The following TP63 variants were observed in gnomAD, a reference collection of about 807,000 sequenced individuals.
TP63 encodes tumor protein 63.
A neutral mutation model predicts 82.8 loss-of-function variants in TP63; 17 were observed. The ratio of observed to expected loss-of-function variants is 0.21; its 90% CI spans 0.14 to 0.31. The LOEUF is 0.31. Ranked by LOEUF, TP63 falls within the 10% of genes least tolerant of loss-of-function variation. The pLI is 1.00. For missense variants in TP63, 648 were observed against 895.3 expected (o/e 0.72, Z 3.52); for synonymous variants, 330 against 321.7 (o/e 1.03, Z -0.28).
chr3:189,747,214 A>G (rs1263611829), intron 3 of TP63, among the ~76,000 whole-genome samples: 5 of 152,090 alleles, frequency 3.3e-5, no homozygotes, highest in African/African-American at 1.2e-4. Context: ...TAAGAAAGAA[A>G]CACTGGATTT....
chr3:189,646,251 T>A lies in TP63; in HGVS notation c.62+14674T>A, dbSNP rs1020513356. ...GGGAATTCTGATGCACATGGAAGTT[T>A]GAAAACCTGACCATACAACTGACAA... On this transcript the variant is annotated intron_variant, in intron 1 of 13. Transcript: ENST00000264731. 5.4e-5 allele frequency among the ~76,000 whole-genome samples: 8 copies of A among 147,276 alleles called. 2 individuals carry two copies. The highest frequency in any genetic ancestry group is 2.0e-4 in the African/African-American group (8 of 39,296).
chr3:189,869,304 T>A lies in TP63; in HGVS notation c.1130-20T>A. The A allele has an allele frequency of 6.2e-7, 1 of 1,609,712 alleles. No individual in the cohort carries two copies. The highest frequency in any genetic ancestry group is 8.5e-7 in the Non-Finnish European group (1 of 1,176,036). On this transcript the variant is annotated intron_variant, in intron 8 of 13. Transcript: ENST00000264731. ...TTTAGAAGTGTTCCCAGGATGAAAC[T>A]TGCATTTTTCCTCCACCAGCGTTTC... is the stretch of plus-strand genomic sequence containing the variant.
the TP63 span, among the ~76,000 whole-genome samples, chr3:189,597,953 A>G: frequency 1.0e-2 from 1,516 of 152,172 alleles, 11 homozygotes; most frequent in Non-Finnish European, 0.018. Flanking sequence ...AGTTAGAATT[A>G]ATATTTTGAA....
At chr3:189,616,841 C>T in the TP63 span, among the ~76,000 whole-genome samples, 8 of 152,166 alleles carry the variant, frequency 5.3e-5, no homozygotes. Flanking sequence ...TTGTCCTACT[C>T]CTGAATATCA....
chr3:189,823,834 G>T (rs561060810), intron 4 of TP63, among the ~76,000 whole-genome samples: 28 of 152,114 alleles, frequency 1.8e-4, no homozygotes, highest in Admixed American at 6.5e-4. Context: ...CATGCAAACC[G>T]CATGATAGAC....
chr3:189,766,347 T>TGA (rs989221472), intron 3 of TP63, among the ~76,000 whole-genome samples: 1 of 152,100 alleles, frequency 6.6e-6, no homozygotes, highest in Admixed American at 6.6e-5. Context: ...GGATCGGGGG[T>TGA]GAGCATTGCA....
the TP63 span, among the ~76,000 whole-genome samples, chr3:189,612,276 C>T: frequency 2.0e-5 from 3 of 151,826 alleles, no homozygotes; most frequent in Non-Finnish European, 2.9e-5. Flanking sequence ...TGGGAAGCAC[C>T]GAGAAGAAGG....
intron 1 of TP63, among the ~76,000 whole-genome samples, chr3:189,689,980 A>G (rs1259647485): frequency 2.6e-5 from 4 of 152,096 alleles, no homozygotes; most frequent in Non-Finnish European, 5.9e-5. Context: ...CTCCAAGGTA[A>G]TGGATATCTT....
chr3:189,695,391 C>T (rs191669377), intron 1 of TP63, among the ~76,000 whole-genome samples: 146 of 152,130 alleles, frequency 9.6e-4, no homozygotes, highest in African/African-American at 1.9e-3. Context: ...ATTTGTGGTG[C>T]TACAAGATGT....
At chr3:189,813,513 T>C (rs1727808764) in intron 4 of TP63, among the ~76,000 whole-genome samples, 1 of 152,156 alleles carries the variant, frequency 6.6e-6, no homozygotes, top group African/African-American at 2.4e-5. Flanking sequence ...CTCACACACC[T>C]TTGCCAGTTG....
chr3:189,647,573 A>G (rs1235478519), intron 1 of TP63, among the ~76,000 whole-genome samples: 2 of 146,488 alleles, frequency 1.4e-5, no homozygotes, highest in Non-Finnish European at 3.0e-5. Context: ...TGCAAGCTCT[A>G]CGTGGATTGT....
chr3:189,742,011 G>A (rs1396580329), intron 3 of TP63, among the ~76,000 whole-genome samples: 1 of 152,066 alleles, frequency 6.6e-6, no homozygotes. Flanking sequence ...GGGAGGCCGA[G>A]GTGTGTGGAT....
chr3:189,756,197 A>G (rs1722175714), intron 3 of TP63, among the ~76,000 whole-genome samples: 1 of 152,236 alleles, frequency 6.6e-6, no homozygotes. Flanking sequence ...TCATTTAAAC[A>G]TAATTTGTGT....
the TP63 span, among the ~76,000 whole-genome samples, chr3:189,623,273 G>C: frequency 1.3e-5 from 2 of 152,160 alleles, no homozygotes; most frequent in Admixed American, 1.3e-4. Flanking sequence ...CTGAAAGAGA[G>C]GTTCAGCAAC....
At chr3:189,752,040 T>C (rs1296923317) in intron 3 of TP63, among the ~76,000 whole-genome samples, 2 of 152,198 alleles carry the variant, frequency 1.3e-5, no homozygotes, top group African/African-American at 4.8e-5. Flanking sequence ...GATTATCTAA[T>C]AGTTATAGGA....
At chr3:189,615,154 C>T in the TP63 span, among the ~76,000 whole-genome samples, 1 of 152,224 alleles carries the variant, frequency 6.6e-6, no homozygotes, top group Non-Finnish European at 1.5e-5. Flanking sequence ...AACTCCCTTT[C>T]TGGCCTCGTA....
chr3:189,887,218 A>T (rs1435524171), intron 11 of TP63, among the ~76,000 whole-genome samples: 1 of 152,096 alleles, frequency 6.6e-6, no homozygotes, highest in African/African-American at 2.4e-5. Context: ...CAAAAAAAAA[A>T]AAAAAAATCT....
At chr3:189,636,888 T>G (rs1729817061) in intron 1 of TP63, among the ~76,000 whole-genome samples, 2 of 152,212 alleles carry the variant, frequency 1.3e-5, no homozygotes, top group Non-Finnish European at 2.9e-5. Context: ...TGAGCACTTT[T>G]TGACTGCATC....
intron 1 of TP63, among the ~76,000 whole-genome samples, chr3:189,634,262 A>G (rs1226774734): frequency 6.6e-6 from 1 of 152,132 alleles, no homozygotes; most frequent in Non-Finnish European, 1.5e-5. Flanking sequence ...GAAAGAAGTC[A>G]TGAAAGATAA....
Sources: allele counts gnomAD v4.1 joint callset (sites outside exome capture counted in the v4.1 genomes callset), GRCh38; gene constraint gnomAD v4.1.1; transcripts MANE v1.5; gene names NCBI Gene and HGNC (gene_info 2026-07-23, HGNC 2026-07-21).